Variants in RCN3 observed in about 807,000 individuals in gnomAD.
The protein encoded by RCN3 is reticulocalbin 3, also known as reticulocalbin-3.
In RCN3, 41 loss-of-function variants were observed where a neutral mutation model predicts 35.9. The ratio of observed to expected loss-of-function variants is 1.14; its 90% CI spans 0.89 to 1.48. The LOEUF (loss-of-function observed/expected upper bound fraction) is 1.48, where lower values mean the gene tolerates loss of function less well. Ranked by LOEUF, RCN3 falls within the 40% of genes most tolerant of loss-of-function variation. RCN3 has a pLI of 0.00. For synonymous variants in RCN3, 187 were observed against 193.4 expected (o/e 0.97, Z 0.27); for missense variants, 451 against 471.3 (o/e 0.96, Z 0.40).
chr19:49,534,674 C>T (rs1418306110), intron 3 of RCN3, among the ~76,000 whole-genome samples: 3 of 152,066 alleles, frequency 2.0e-5, no homozygotes, highest in Non-Finnish European at 2.9e-5. Context: ...AGCCACTGAA[C>T]GCACCCAAAC....
At chr19:49,538,180 T>C (rs1488681093) in intron 4 of RCN3, among the ~76,000 whole-genome samples, 2 of 143,200 alleles carry the variant, frequency 1.4e-5, no homozygotes, top group East Asian at 2.0e-4. Flanking sequence ...TTTTTTTTTT[T>C]CAGACGGAGT....
Position 49,543,270 on chromosome 19 carries a change from C to G in RCN3, c.*57C>G. The G allele has an allele frequency of 7.1e-7, 1 of 1,401,626 alleles. No individual in the cohort carries two copies. The highest frequency in any genetic ancestry group is 1.2e-5 in the South Asian group (1 of 84,290). The allele number at this position is 1,401,626 out of a possible 1,614,324, so 86.8% of individuals were successfully genotyped here. A position where few individuals can be genotyped will look rare whatever the true frequency, so the allele number is the denominator to read the frequency against. On this transcript the variant is annotated 3_prime_UTR_variant, in exon 7 of 7. Coordinates refer to ENST00000270645, the MANE Select transcript of RCN3 (RefSeq NM_020650.3). ...CGCACAATGACCGGAGGAGGGGCCG[C>G]TGTGGTCTGGCCCCCTCCCTGTCCA...
intron 1 of RCN3, 64 bp downstream of exon 1, chr19:49,528,122 G>A (rs902487360): frequency 3.6e-5 from 9 of 253,210 alleles, no homozygotes; most frequent in African/African-American, 8.9e-5. Flanking sequence ...ACCAGGGTCC[G>A]GACTGGGAGC....
rs781753813 is a variant in RCN3 at position 49,543,184 on chromosome 19, G to A, written c.958G>A (p.Asp320Asn). ...CAGTCAGGCCACCAACTATGGCGAG[G>A]ACCTGACCCGGCACCACGATGAGCT... ...VGSQATNYGE[D>N]LTRHHDEL The change falls in exon 7 of 7, where the codon GAC (aspartate) becomes AAC (asparagine). Residue 320 changes from aspartate (D) to asparagine (N), a missense_variant. Physicochemically the swap from Asp to Asn is conservative, Grantham distance 23. Transcript: ENST00000270645. 2.2e-5 allele frequency: 35 copies of A among 1,613,746 alleles called. No homozygotes were observed. The highest frequency in any genetic ancestry group is 2.9e-5 in the Non-Finnish European group (34 of 1,179,888).
intron 2 of RCN3, among the ~76,000 whole-genome samples, chr19:49,533,887 G>A (rs1018160843): frequency 7.2e-5 from 11 of 152,176 alleles, no homozygotes; most frequent in African/African-American, 2.7e-4. Flanking sequence ...TGCAGGCCGA[G>A]GGCGGGGCCG....
At chr19:49,531,482 G>A (rs897730080) in intron 2 of RCN3, among the ~76,000 whole-genome samples, 1 of 152,206 alleles carries the variant, frequency 6.6e-6, no homozygotes, top group African/African-American at 2.4e-5. Context: ...ATTGAGAGTA[G>A]AACTGAGGGA....
intron 2 of RCN3, among the ~76,000 whole-genome samples, chr19:49,531,370 T>C (rs2080107399): frequency 9.2e-5 from 14 of 152,200 alleles, no homozygotes; most frequent in Admixed American, 8.5e-4. Context: ...CCCAGCACTT[T>C]GGGAGTCCAA....
intron 3 of RCN3, 113 bp downstream of exon 3, chr19:49,534,508 G>A (rs2080125473): frequency 3.7e-6 from 4 of 1,067,862 alleles, no homozygotes; most frequent in Non-Finnish European, 5.2e-6. Flanking sequence ...CCCCTAACCA[G>A]GCTCTACCCA....
At chr19:49,542,518 G>A in intron 5 of RCN3, 35 bp from the exon 6 acceptor site, 1 of 1,516,502 alleles carries the variant, frequency 6.6e-7, no homozygotes, top group African/African-American at 1.4e-5. Context: ...CCCCAGAGCT[G>A]CCCCTGACCT....
chr19:49,539,503 T>C (rs187418554), intron 5 of RCN3, among the ~76,000 whole-genome samples: 284 of 148,986 alleles, frequency 1.9e-3, no homozygotes, highest in Middle Eastern at 6.8e-3. Flanking sequence ...CTGGAGTTTC[T>C]ACAAAATCAA....
At chr19:49,543,024 A>G in intron 6 of RCN3, 82 bp from the exon 7 acceptor site, 1 of 1,163,108 alleles carries the variant, frequency 8.6e-7, no homozygotes, top group Non-Finnish European at 1.3e-6. Flanking sequence ...GGTCCCAGAG[A>G]CTTCGGGACA....
intron 5 of RCN3, among the ~76,000 whole-genome samples, chr19:49,540,932 C>CT (rs1262372704): frequency 2.6e-3 from 359 of 138,820 alleles, no homozygotes; most frequent in African/African-American, 3.7e-3. Flanking sequence ...GTCCCCATCT[C>CT]TTTTTTTTTT....
chr19:49,530,782 C>G (rs73582454), intron 2 of RCN3, among the ~76,000 whole-genome samples: 16,777 of 152,186 alleles, frequency 0.11, 1,109 homozygotes, highest in East Asian at 0.18. Flanking sequence ...AGGCATGAGC[C>G]ACCGCACCCG....
intron 2 of RCN3, among the ~76,000 whole-genome samples, chr19:49,529,253 C>T (rs926269956): frequency 1.3e-5 from 2 of 152,166 alleles, no homozygotes; most frequent in African/African-American, 4.8e-5. Flanking sequence ...GCCCCCTAAG[C>T]GCTCCTTATT....
chr19:49,535,861 A>AAT lies in RCN3; in HGVS notation c.446-1158_446-1157dup, dbSNP rs1555811304. ...TGAGACTCTGTCTCAAAAAAAAAAA[A>AAT]ATATATATATATATAGATAGATAGA... On this transcript the variant is annotated intron_variant, in intron 3 of 6. Coordinates refer to ENST00000270645, the MANE Select transcript of RCN3 (RefSeq NM_020650.3). 6.6e-3 allele frequency among the ~76,000 whole-genome samples: 948 copies of AAT among 142,688 alleles called. 13 individuals carry two copies. The highest frequency in any genetic ancestry group is 0.026 in the Middle Eastern group (7 of 274). The allele number at this position is 142,688 out of a possible 152,430, so 93.6% of individuals were successfully genotyped here.
chr19:49,539,355 A>T (rs1395073428), intron 5 of RCN3, among the ~76,000 whole-genome samples, 176 bp downstream of exon 5: 6 of 151,818 alleles, frequency 4.0e-5, no homozygotes, highest in Admixed American at 3.9e-4. Flanking sequence ...TTGAGCACCT[A>T]CTCTATACCA....
chr19:49,542,679 G>T lies in RCN3; in HGVS notation c.806G>T (p.Trp269Leu). Reference protein sequence around the residue: ...GHLDGSEVGHWVLPPAQDQPL... With the variant: ...GHLDGSEVGHLVLPPAQDQPL... ...CTGGATGGGAGTGAGGTGGGCCACT[G>T]GGTGCTGCCCCCTGCCCAGGACCAG... is the stretch of plus-strand genomic sequence containing the variant. Residue 269 changes from tryptophan to leucine, a missense_variant, in exon 6 of 7, where the codon TGG becomes TTG. Trp to Leu is a moderately conservative substitution (Grantham distance 61). Coordinates refer to ENST00000270645, the MANE Select transcript of RCN3 (RefSeq NM_020650.3). 6.3e-7 allele frequency: 1 copy of T among 1,598,470 alleles called. No individual in the cohort carries two copies. The highest frequency in any genetic ancestry group is 8.5e-7 in the Non-Finnish European group (1 of 1,174,032).
chr19:49,533,382 T>G (rs140356653), intron 2 of RCN3, among the ~76,000 whole-genome samples: 266 of 152,024 alleles, frequency 1.7e-3, no homozygotes, highest in African/African-American at 6.0e-3. Flanking sequence ...CTCCAGGTAG[T>G]CTCTGTTAAT....
intron 2 of RCN3, among the ~76,000 whole-genome samples, chr19:49,531,419 A>G (rs931728646): frequency 5.9e-5 from 9 of 152,216 alleles, no homozygotes; most frequent in African/African-American, 2.2e-4. Flanking sequence ...AGGGGGTCAG[A>G]TCATGCAATG....
Sources: gnomAD v4.1 joint callset for allele counts (sites outside exome capture counted in the v4.1 genomes callset) on GRCh38, gnomAD v4.1.1 for gene constraint, MANE v1.5 for transcripts, NCBI Gene and HGNC (gene_info 2026-07-23, HGNC 2026-07-21) for gene names.